The following TG variants were observed in gnomAD, a reference collection of about 807,000 sequenced individuals.
TG encodes the protein thyroglobulin, also known as thyroid hormones.
Under a neutral mutation model 324.7 loss-of-function variants are expected in TG, and 270 were observed. The observed-to-expected ratio is 0.83, with a 90% confidence interval of 0.75 to 0.92. The LOEUF (loss-of-function observed/expected upper bound fraction) is 0.92, where lower values mean the gene tolerates loss of function less well. Ranked by LOEUF, TG falls within the 40% of genes least tolerant of loss-of-function variation. The pLI is 0.00. For synonymous variants in TG, 1,401 were observed against 1,327.0 expected (o/e 1.06, Z -1.21); for missense variants, 3,591 against 3,456.4 (o/e 1.04, Z -0.98).
At chr8:132,982,104 A>G (rs1293714291) in intron 34 of TG, among the ~76,000 whole-genome samples, 4 of 152,224 alleles carry the variant, frequency 2.6e-5, no homozygotes, top group Non-Finnish European at 4.4e-5. Context: ...CGTTTACTAT[A>G]TGATCAGAGC....
At chr8:132,987,291 G>A (rs1831690149) in intron 35 of TG, among the ~76,000 whole-genome samples, 1 of 152,186 alleles carries the variant, frequency 6.6e-6, no homozygotes, top group Non-Finnish European at 1.5e-5. Flanking sequence ...TGAATCAGAG[G>A]GAGGGGATAA....
At chr8:132,907,039 T>A in intron 17 of TG, 139 bp downstream of exon 17, 1 of 900,050 alleles carries the variant, frequency 1.1e-6, no homozygotes, top group Non-Finnish European at 1.8e-6. Flanking sequence ...CACCAAGAGA[T>A]GGGAGAGAGT....
chr8:132,981,890 G>T (rs1390220946), intron 34 of TG, among the ~76,000 whole-genome samples: 1 of 152,198 alleles, frequency 6.6e-6, no homozygotes, highest in Admixed American at 6.5e-5. Context: ...CAAAGAGGCT[G>T]GGGCTTGGCA....
At chr8:133,093,789 C>T (rs1847962668) in intron 41 of TG, among the ~76,000 whole-genome samples, 1 of 152,198 alleles carries the variant, frequency 6.6e-6, no homozygotes, top group Admixed American at 6.5e-5. Flanking sequence ...TTCACAGTGG[C>T]TCAGTGTTTG....
chr8:133,002,623 G>T (rs752469789), intron 35 of TG: 22 of 220,326 alleles, frequency 1.0e-4, no homozygotes, highest in Non-Finnish European at 1.6e-4. Context: ...TGAACTCATA[G>T]GGAATAGGTT....
chr8:132,903,030 T>G (rs1818146587), intron 16 of TG, among the ~76,000 whole-genome samples: 1 of 152,302 alleles, frequency 6.6e-6, no homozygotes, highest in Middle Eastern at 3.4e-3. Flanking sequence ...GTCACACGGT[T>G]AGCAGGTGGA....
In TG at chr8:132,967,965, A is replaced by G; in HGVS notation, c.5858A>G (p.Lys1953Arg). The G allele has an allele frequency of 4.3e-6, 7 of 1,613,516 alleles. No individual in the cohort carries two copies. Among genetic ancestry groups the G allele is most frequent in the Non-Finnish European group, 5.9e-6 (7 of 1,179,772 alleles). Residue 1953 changes from lysine to arginine, a missense_variant, in exon 31 of 48, where the codon AAG becomes AGG. Lys to Arg is a conservative substitution (Grantham distance 26). Coordinates refer to ENST00000220616, the MANE Select transcript of TG (RefSeq NM_003235.5). ...CAGATGCCAAAGGCCCTGTTCCGGA[A>G]GAAAGGTGAGCACTTGGAGAGATCT... ...LPQMPKALFR[K>R]KVILEDKVKN...
rs1828877803 is a variant in TG, at chr8:132,967,979, T to C, written c.5863+9T>C. The C allele has an allele frequency of 6.2e-7, 1 of 1,613,024 alleles. No individual in the cohort carries two copies. Among genetic ancestry groups the C allele is most frequent in the Non-Finnish European group, 8.5e-7 (1 of 1,179,678 alleles). ...CCTGTTCCGGAAGAAAGGTGAGCACTTGGAGAGATCTGCATAAACTGTATT... is the reference window on the plus strand; with the variant it reads ...CCTGTTCCGGAAGAAAGGTGAGCACCTGGAGAGATCTGCATAAACTGTATT... On this transcript the variant is annotated intron_variant, in intron 31 of 47. Transcript: ENST00000220616.
At chr8:132,916,234 TA>T (rs911350133) in intron 20 of TG, among the ~76,000 whole-genome samples, 1 of 152,198 alleles carries the variant, frequency 6.6e-6, no homozygotes, top group Non-Finnish European at 1.5e-5. Context: ...TTGCATGGGG[TA>T]ATACCTATTG....
intron 43 of TG, among the ~76,000 whole-genome samples, chr8:133,097,157 T>C (rs1848548705): frequency 6.6e-6 from 1 of 152,204 alleles, no homozygotes; most frequent in African/African-American, 2.4e-5. Context: ...ATGCATGACA[T>C]GGGTCTCTGT....
intron 9 of TG, 103 bp from the exon 10 acceptor site, chr8:132,887,881 A>G: frequency 1.8e-6 from 2 of 1,109,170 alleles, no homozygotes; most frequent in Non-Finnish European, 2.7e-6. Context: ...CTATGGCTAT[A>G]TAAGGTTTTA....
At chr8:132,983,777 A>G in intron 35 of TG, 1 of 368,342 alleles carries the variant, frequency 2.7e-6, no homozygotes. Flanking sequence ...TATGGCCAAA[A>G]AGGGAAAGAA....
Position 132,972,741 on chromosome 8 carries a change from A to T in TG, c.6199A>T (p.Ile2067Phe). The change falls in exon 34 of 48, where the codon ATT (isoleucine) becomes TTT (phenylalanine). Residue 2067 changes from isoleucine (I) to phenylalanine (F), a missense_variant and splice_region_variant. Coordinates refer to ENST00000220616, the MANE Select transcript of TG (RefSeq NM_003235.5). ...TYPFGWYQKP[I>F]AQNNAPSFCP... is the part of the protein sequence containing the mutation. Reference sequence around the variant, plus strand: ...TCCCTTCGGATGGTACCAGAAGCCCAGTAAGTACCCTTCTCATGACAGCTA... The same window carrying T: ...TCCCTTCGGATGGTACCAGAAGCCCTGTAAGTACCCTTCTCATGACAGCTA... The T allele has an allele frequency of 6.2e-7, 1 of 1,614,118 alleles. No homozygotes were observed. Among genetic ancestry groups the T allele is most frequent in the South Asian group, 1.1e-5 (1 of 91,076 alleles).
At chr8:133,065,644 C>T (rs1450436095) in intron 41 of TG, among the ~76,000 whole-genome samples, 1 of 152,020 alleles carries the variant, frequency 6.6e-6, no homozygotes, top group Non-Finnish European at 1.5e-5. Flanking sequence ...TGCCTGTAAT[C>T]CCAACTACTC....
At position 133,023,919 on chromosome 8, in the gene TG, G is replaced by A. The variant is rs375441215; in HGVS notation, c.7036+1769G>A. Among the ~76,000 whole-genome samples, 32 of 152,296 alleles carry A rather than the reference G, an allele frequency of 2.1e-4. No individual in the cohort carries two copies. The East Asian group carries it at 2.3e-3, about 11-fold the overall frequency. Reference sequence around the variant, plus strand: ...CGGAAGCTTCCAGAACACCCAACCCGCTCATTCCTGATGTGCACCAAGCCT... The same window carrying A: ...CGGAAGCTTCCAGAACACCCAACCCACTCATTCCTGATGTGCACCAAGCCT... On this transcript the variant is annotated intron_variant, in intron 40 of 47. Coordinates refer to ENST00000220616, the MANE Select transcript of TG (RefSeq NM_003235.5).
intron 40 of TG, among the ~76,000 whole-genome samples, chr8:133,023,845 G>A (rs932788951): frequency 2.6e-5 from 4 of 152,170 alleles, no homozygotes; most frequent in Non-Finnish European, 5.9e-5. Context: ...TGCTTCTGGA[G>A]AGGCAAACTC....
At position 132,972,384 on chromosome 8, in the gene TG, A is replaced by G. The variant is rs985347274; in HGVS notation, c.6056-214A>G. ...GCCCTAAGCACATGTTAGGTGCTTG[A>G]TAAGTAGCTCTATCCCTTTGCTCTT... On this transcript the variant is annotated intron_variant, in intron 33 of 47. Coordinates refer to ENST00000220616, the MANE Select transcript of TG (RefSeq NM_003235.5). 11 of 608,042 alleles carry G rather than the reference A, an allele frequency of 1.8e-5. No homozygotes were observed. The Admixed American group carries it at 3.2e-4, about 18-fold the overall frequency. 37.7% of individuals were successfully genotyped at this position (608,042 alleles called of 1,614,324 possible).
intron 37 of TG, among the ~76,000 whole-genome samples, chr8:133,015,935 T>C (rs1294780945): frequency 1.3e-5 from 2 of 152,216 alleles, no homozygotes; most frequent in Non-Finnish European, 2.9e-5. Flanking sequence ...CTCTTTCTCT[T>C]TTTTTCTCTC....
At chr8:132,867,393 C>T (rs2132016801) in intron 1 of TG, among the ~76,000 whole-genome samples, 1 of 152,234 alleles carries the variant, frequency 6.6e-6, no homozygotes, top group East Asian at 1.9e-4. Flanking sequence ...ATTCCAAAGT[C>T]TGTGTCATCC....
Sources: allele counts gnomAD v4.1 joint callset (sites outside exome capture counted in the v4.1 genomes callset), GRCh38; gene constraint gnomAD v4.1.1; transcripts MANE v1.5; gene names NCBI Gene and HGNC (gene_info 2026-07-23, HGNC 2026-07-21).